The following BDP1 variants were observed in gnomAD, a reference collection of about 807,000 sequenced individuals.
The protein encoded by BDP1 is BDP1 general transcription factor IIIB subunit, also known as transcription factor TFIIIB component B'' homolog.
Under a neutral mutation model 266.6 loss-of-function variants are expected in BDP1, and 169 were observed. The ratio of observed to expected loss-of-function variants is 0.63; its 90% confidence interval spans 0.56 to 0.72. The LOEUF (loss-of-function observed/expected upper bound fraction) is 0.72. Among genes scored for constraint, BDP1 ranks in the 30% least tolerant of loss-of-function variants. The pLI is 0.00. For synonymous variants in BDP1, 1,090 were observed against 1,022.4 expected (o/e 1.07, Z -1.26); for missense variants, 3,015 against 3,053.8 (o/e 0.99, Z 0.30).
rs1743735212 is a variant in BDP1 at position 71,562,383 on chromosome 5, C to T, written c.7606C>T (p.Pro2536Ser). 6.2e-7 allele frequency: 1 copy of T among 1,613,918 alleles called. No homozygotes were observed. Among genetic ancestry groups the T allele is most frequent in the East Asian group, 2.2e-5 (1 of 44,850 alleles). The stretch of plus-strand genomic sequence containing the variant: ...TAAGAAACGCCTAAAACCTCTTATA[C>T]CTGGATTAAGAAAGAAATTGAAAAG... ...HSKKRLKPLI[P>S]GLRKKLKRSN... Residue 2536 changes from proline (P) to serine (S), a missense_variant, in exon 38 of 39, where the codon CCT becomes TCT. By Grantham distance (74) the Pro-to-Ser change is moderately conservative (BLOSUM62 -1). This residue lies in a region of BDP1 where 629 missense variants were observed against 632.5 expected (regional missense o/e 0.99). Coordinates refer to ENST00000358731, the MANE Select transcript of BDP1 (RefSeq NM_018429.3).
rs1383774187 is a variant in BDP1, at chr5:71,551,956, C to T, written c.6996-1160C>T. Among the ~76,000 whole-genome samples the T allele has an allele frequency of 2.3e-3, 338 of 145,644 alleles. 2 individuals carry two copies. Among genetic ancestry groups the T allele is most frequent in the African/African-American group, 8.4e-3 (325 of 38,470 alleles). On this transcript the variant is annotated intron_variant, in intron 34 of 38. Coordinates refer to ENST00000358731, the MANE Select transcript of BDP1 (RefSeq NM_018429.3). Reference sequence around the variant, plus strand: ...GGCGGCTGGCCGGGCGGGGGGCTGACCCCCCCACCTCCCTCCCGGACGGGG... The same window carrying T: ...GGCGGCTGGCCGGGCGGGGGGCTGATCCCCCCACCTCCCTCCCGGACGGGG...
chr5:71,540,798 C>T (rs1766919610), intron 28 of BDP1, among the ~76,000 whole-genome samples: 1 of 152,078 alleles, frequency 6.6e-6, no homozygotes, highest in South Asian at 2.1e-4. Context: ...ATTAGGCAGG[C>T]ATGGTGGTGT....
chr5:71,523,559 C>G (rs1393317739), intron 24 of BDP1, among the ~76,000 whole-genome samples: 2 of 152,200 alleles, frequency 1.3e-5, no homozygotes, highest in Non-Finnish European at 2.9e-5. Context: ...AGTGATCTGC[C>G]TGCCTCGTCC....
At chr5:71,507,829 A>G (rs1397297224) in intron 16 of BDP1, among the ~76,000 whole-genome samples, 2 of 152,238 alleles carry the variant, frequency 1.3e-5, no homozygotes, top group Non-Finnish European at 2.9e-5. Context: ...AACAAGTACA[A>G]TTTGAAAAGC....
intron 36 of BDP1, among the ~76,000 whole-genome samples, chr5:71,557,629 C>T (rs982127788): frequency 1.2e-4 from 11 of 95,088 alleles, no homozygotes; most frequent in African/African-American, 2.5e-4. Flanking sequence ...CGTGATCTGC[C>T]GGCCTCGAAA....
intron 12 of BDP1, among the ~76,000 whole-genome samples, chr5:71,496,069 T>G (rs1489963743): frequency 1.3e-5 from 2 of 151,874 alleles, no homozygotes; most frequent in African/African-American, 4.8e-5. Flanking sequence ...AGTGAAACGC[T>G]GTCTCTGCTA....
intron 13 of BDP1, among the ~76,000 whole-genome samples, chr5:71,498,798 AC>A (rs1163685455): frequency 6.7e-6 from 1 of 149,568 alleles, no homozygotes; most frequent in Non-Finnish European, 1.5e-5. Context: ...ATCCTGGCTC[AC>A]TGCAGCCTCT....
chr5:71,481,719 C>G (rs1339838926), intron 7 of BDP1, among the ~76,000 whole-genome samples: 2 of 152,146 alleles, frequency 1.3e-5, no homozygotes, highest in Admixed American at 1.3e-4. Context: ...GATTTCTCAT[C>G]TGATTTACAG....
chr5:71,564,224 A>G (rs2112131284), intron 38 of BDP1, among the ~76,000 whole-genome samples: 1 of 152,260 alleles, frequency 6.6e-6, no homozygotes, highest in East Asian at 1.9e-4. Flanking sequence ...TCGTGTGCCA[A>G]TACCATGCTG....
At chr5:71,478,992 C>A (rs1293673749) in intron 7 of BDP1, among the ~76,000 whole-genome samples, 3 of 152,046 alleles carry the variant, frequency 2.0e-5, no homozygotes, top group Non-Finnish European at 4.4e-5. Context: ...TATTTTATTT[C>A]TGATACTGTA....
intron 13 of BDP1, among the ~76,000 whole-genome samples, chr5:71,499,176 C>T (rs754216562): frequency 1.4e-4 from 22 of 152,106 alleles, no homozygotes; most frequent in Non-Finnish European, 2.1e-4. Flanking sequence ...CTCGGCTCAC[C>T]GCAACCTCTG....
chr5:71,513,671 A>G (rs895167332), intron 19 of BDP1, among the ~76,000 whole-genome samples: 2 of 152,086 alleles, frequency 1.3e-5, no homozygotes, highest in East Asian at 3.9e-4. Flanking sequence ...GTGACCATTG[A>G]TTAAACAATT....
intron 37 of BDP1, among the ~76,000 whole-genome samples, chr5:71,560,698 T>C (rs1743583882): frequency 6.6e-6 from 1 of 152,210 alleles, no homozygotes; most frequent in Non-Finnish European, 1.5e-5. Context: ...CCAACTTCTC[T>C]CACAATTTCC....
rs372148092 is a variant in BDP1 at position 71,542,425 on chromosome 5, A to G, written c.6412+160A>G. Among the ~76,000 whole-genome samples, 15 of 152,322 alleles carry G rather than the reference A, an allele frequency of 9.8e-5. 1 individual carries two copies. Among genetic ancestry groups the G allele is most frequent in the African/African-American group, 3.6e-4 (15 of 41,570 alleles). On this transcript the variant is annotated intron_variant, in intron 30 of 38. Transcript: ENST00000358731. ...CTATAAAATAAATACCCATAAATCT[A>G]CCAATTGGTTTTAGTAATTAATACC...
chr5:71,520,427 A>C (rs932853351), intron 22 of BDP1, among the ~76,000 whole-genome samples: 4 of 152,238 alleles, frequency 2.6e-5, no homozygotes, highest in Admixed American at 2.6e-4. Context: ...ACTAAAATGC[A>C]TTAGACTTAT....
At chr5:71,492,315 A>G (rs1469253452) in intron 11 of BDP1, among the ~76,000 whole-genome samples, 1 of 152,190 alleles carries the variant, frequency 6.6e-6, no homozygotes, top group Non-Finnish European at 1.5e-5. Flanking sequence ...AGGACCCTCC[A>G]TACTGTTTCC....
At chr5:71,495,439 T>G (rs747308318) in intron 12 of BDP1, 31 bp downstream of exon 12, 1 of 1,474,734 alleles carries the variant, frequency 6.8e-7, no homozygotes, top group Non-Finnish European at 9.2e-7. Context: ...GATTTATTTA[T>G]AAAATTTTGA....
At chr5:71,524,841 C>T (rs1445697495) in intron 25 of BDP1, among the ~76,000 whole-genome samples, 26 of 149,036 alleles carry the variant, frequency 1.7e-4, no homozygotes, top group African/African-American at 5.8e-4. Context: ...TGACTCTTAA[C>T]GAGCATGCTG....
chr5:71,532,911 C>T (rs939847568), intron 26 of BDP1, among the ~76,000 whole-genome samples: 3 of 152,098 alleles, frequency 2.0e-5, no homozygotes, highest in Admixed American at 6.5e-5. Flanking sequence ...AAAAAGAAAC[C>T]TTATTAGCAG....
Sources: allele counts gnomAD v4.1 joint callset (sites outside exome capture counted in the v4.1 genomes callset), GRCh38; gene constraint gnomAD v4.1.1; regional missense constraint gnomAD v4.1.1; transcripts MANE v1.5; gene names NCBI Gene and HGNC (gene_info 2026-07-23, HGNC 2026-07-21).